The following CSMD1 variants were observed in gnomAD, a reference collection of about 807,000 sequenced individuals.
CSMD1 encodes the protein CUB and Sushi multiple domains 1, also known as CUB and sushi domain-containing protein 1.
CSMD1 carries 213 observed loss-of-function variants against 417.5 expected under a neutral mutation model. The ratio of observed to expected loss-of-function variants is 0.51; its 90% CI spans 0.46 to 0.57. CSMD1 has a LOEUF of 0.57. Ranked by LOEUF, CSMD1 falls within the 20% of genes least tolerant of loss-of-function variation. The pLI, the probability that CSMD1 is intolerant of heterozygous loss-of-function variation, is 0.00. For synonymous variants in CSMD1, 2,862 were observed against 1,736.8 expected (o/e 1.65, Z -16.11); for missense variants, 6,923 against 4,529.7 (o/e 1.53, Z -15.17).
intron 2 of CSMD1, among the ~76,000 whole-genome samples, chr8:4,450,631 A>G (rs951825619): frequency 6.6e-6 from 1 of 152,060 alleles, no homozygotes; most frequent in Admixed American, 6.5e-5. Flanking sequence ...CTCAGTCTCC[A>G]AAGAAAAAAA....
Position 3,553,988 on chromosome 8 carries a change from T to C in CSMD1, c.1344+20957A>G, listed in dbSNP as rs1041238056. 1.4e-4 allele frequency among the ~76,000 whole-genome samples: 22 copies of C among 152,286 alleles called. No individual in the cohort carries two copies. In the South Asian group the frequency reaches 4.6e-3, roughly 32 times the overall value. On this transcript the variant is annotated intron_variant, in intron 10 of 69. Transcript: ENST00000635120. ...AGGTGATGGAATTATGGGTGAAATT[T>C]GCTTTCTCTAGGACTGATTTTATTT...
At chr8:3,354,875 A>ATATCTAGAGATATGTCTATCTATAGATC (rs1808647745) in intron 21 of CSMD1, among the ~76,000 whole-genome samples, 1 of 71,520 alleles carries the variant, frequency 1.4e-5, no homozygotes, top group Non-Finnish European at 2.7e-5. Context: ...AGATATACAT[A>ATATCTAGAGATATGTCTATCTATAGATC]TATCTATAGA....
At chr8:4,403,117 C>T (rs1804762333) in intron 3 of CSMD1, among the ~76,000 whole-genome samples, 1 of 151,992 alleles carries the variant, frequency 6.6e-6, no homozygotes, top group Non-Finnish European at 1.5e-5. Flanking sequence ...AGGCGTGAGC[C>T]ACTGCCCCCG....
intron 6 of CSMD1, among the ~76,000 whole-genome samples, chr8:3,727,263 G>C (rs1802549874): frequency 6.6e-6 from 1 of 152,218 alleles, no homozygotes. Flanking sequence ...CCTCTGGAAA[G>C]TAATTCTACA....
intron 1 of CSMD1, among the ~76,000 whole-genome samples, chr8:4,811,323 G>C (rs1046184195): frequency 7.2e-5 from 11 of 152,172 alleles, no homozygotes; most frequent in Non-Finnish European, 4.4e-5. Flanking sequence ...GACTCGGAGA[G>C]AGAAGTTTCT....
At chr8:3,214,131 A>C (rs1056747599) in intron 30 of CSMD1, among the ~76,000 whole-genome samples, 1 of 152,122 alleles carries the variant, frequency 6.6e-6, no homozygotes, top group Non-Finnish European at 1.5e-5. Flanking sequence ...GGCATGAGCT[A>C]CCACGCCCGG....
intron 3 of CSMD1, among the ~76,000 whole-genome samples, chr8:4,089,708 T>C (rs1361633176): frequency 6.6e-6 from 1 of 152,180 alleles, no homozygotes; most frequent in African/African-American, 2.4e-5. Flanking sequence ...CACAGAAAGC[T>C]AGCTCAAGAT....
chr8:4,838,653 C>T (rs149021125), intron 1 of CSMD1, among the ~76,000 whole-genome samples: 43 of 152,280 alleles, frequency 2.8e-4, no homozygotes, highest in African/African-American at 8.7e-4. Flanking sequence ...CTATTGCAGA[C>T]GCGGAGGTGG....
intron 7 of CSMD1, among the ~76,000 whole-genome samples, chr8:3,666,450 A>G (rs1237955764): frequency 6.6e-6 from 1 of 152,216 alleles, no homozygotes; most frequent in East Asian, 1.9e-4. Flanking sequence ...AGACAGAAAT[A>G]CTGAATCACG....
intron 3 of CSMD1, among the ~76,000 whole-genome samples, chr8:4,117,060 A>G (rs190723159): frequency 3.2e-4 from 48 of 152,022 alleles, no homozygotes; most frequent in African/African-American, 9.6e-4. Context: ...GTAGTTAACC[A>G]GAATGAAATC....
chr8:3,409,179 T>C (rs1812528486), intron 13 of CSMD1, among the ~76,000 whole-genome samples: 2 of 152,216 alleles, frequency 1.3e-5, no homozygotes, highest in African/African-American at 4.8e-5. Context: ...CCCTTTCTGG[T>C]AGGAAACGTT....
chr8:4,553,974 G>A (rs1797983058), intron 2 of CSMD1, among the ~76,000 whole-genome samples: 1 of 152,182 alleles, frequency 6.6e-6, no homozygotes, highest in South Asian at 2.1e-4. Context: ...GCTGATGTCT[G>A]CTGGCATGAG....
At chr8:3,256,438 C>T (rs1276396094) in intron 26 of CSMD1, among the ~76,000 whole-genome samples, 2 of 152,104 alleles carry the variant, frequency 1.3e-5, no homozygotes, top group African/African-American at 2.4e-5. Flanking sequence ...GAAATAAGTT[C>T]ATTGTCCCCT....
intron 7 of CSMD1, among the ~76,000 whole-genome samples, chr8:3,660,837 A>C (rs1002092585): frequency 6.6e-6 from 1 of 152,028 alleles, no homozygotes; most frequent in African/African-American, 2.4e-5. Flanking sequence ...TTCTTAACTC[A>C]TGAGGATTAG....
intron 5 of CSMD1, among the ~76,000 whole-genome samples, chr8:3,916,074 G>A (rs193284607): frequency 6.6e-6 from 1 of 151,590 alleles, no homozygotes; most frequent in Non-Finnish European, 1.5e-5. Flanking sequence ...CAAAGTGTCT[G>A]CTCTGGAAGT....
intron 5 of CSMD1, among the ~76,000 whole-genome samples, chr8:3,888,899 A>G (rs1415695199): frequency 6.6e-6 from 1 of 152,154 alleles, no homozygotes; most frequent in Non-Finnish European, 1.5e-5. Context: ...GATTTTCGTC[A>G]TATAATTAAA....
At chr8:3,269,019 T>A (rs111646286) in intron 26 of CSMD1, among the ~76,000 whole-genome samples, 5 of 152,234 alleles carry the variant, frequency 3.3e-5, no homozygotes, top group African/African-American at 1.2e-4. Context: ...CATGTCTTGA[T>A]TCTCTCCTTC....
chr8:3,653,433 C>G (rs909614376), intron 7 of CSMD1, among the ~76,000 whole-genome samples: 3 of 152,098 alleles, frequency 2.0e-5, no homozygotes, highest in African/African-American at 2.4e-5. Flanking sequence ...CTCAGCCTCC[C>G]CAGTAGCTGG....
chr8:3,904,836 C>T (rs1232859531), intron 5 of CSMD1, among the ~76,000 whole-genome samples: 4 of 151,922 alleles, frequency 2.6e-5, no homozygotes, highest in Non-Finnish European at 5.9e-5. Context: ...GGGGTTTTAC[C>T]ATGTTGACCA....
Sources: allele counts gnomAD v4.1 joint callset (sites outside exome capture counted in the v4.1 genomes callset), GRCh38; gene constraint gnomAD v4.1.1; transcripts MANE v1.5; gene names NCBI Gene and HGNC (gene_info 2026-07-23, HGNC 2026-07-21).